Variants in ATL2 observed in about 807,000 individuals in gnomAD.
ATL2 encodes the protein atlastin-2.
Under a neutral mutation model 73.9 loss-of-function variants are expected in ATL2, and 31 were observed. The ratio of observed to expected loss-of-function variants is 0.42; its 90% CI spans 0.32 to 0.57. The LOEUF is 0.57. Among genes scored for constraint, ATL2 ranks in the 20% least tolerant of loss-of-function variants. The pLI, the probability that ATL2 is intolerant of heterozygous loss-of-function variation, is 0.14. For synonymous variants in ATL2, 291 were observed against 237.5 expected (o/e 1.23, Z -2.07); for missense variants, 738 against 702.6 (o/e 1.05, Z -0.57).
At chr2:38,348,720 T>A (rs1000160982) in intron 1 of ATL2, among the ~76,000 whole-genome samples, 3 of 150,860 alleles carry the variant, frequency 2.0e-5, no homozygotes, top group Admixed American at 6.6e-5. Flanking sequence ...GAAACTACCA[T>A]CAGAGTGAAC....
At chr2:38,302,261 C>T (rs1454892028) in intron 9 of ATL2, among the ~76,000 whole-genome samples, 4 of 151,990 alleles carry the variant, frequency 2.6e-5, no homozygotes, top group Admixed American at 1.3e-4. Context: ...CAGCACATTC[C>T]CAGATGTTGT....
At chr2:38,361,061 T>C (rs974430712) in intron 1 of ATL2, among the ~76,000 whole-genome samples, 1 of 151,760 alleles carries the variant, frequency 6.6e-6, no homozygotes, top group Non-Finnish European at 1.5e-5. Context: ...ATGAAAAAAA[T>C]TAAATCAAGC....
rs1025883498 is a variant in ATL2, at chr2:38,313,612, T to C, written c.712-369A>G. Among the ~76,000 whole-genome samples, 6 of 152,202 alleles carry C rather than the reference T, an allele frequency of 3.9e-5. No homozygotes were observed. In the South Asian group the frequency reaches 1.0e-3, roughly 26 times the overall value. On this transcript the variant is annotated intron_variant, in intron 6 of 12. Coordinates refer to ENST00000378954, the MANE Select transcript of ATL2 (RefSeq NM_001135673.4). ...TCTAGATGGCTATCTAGACTGATTA[T>C]AGATCTGGGGTCAATAAGGACATTT...
intron 2 of ATL2, among the ~76,000 whole-genome samples, chr2:38,324,609 T>A (rs1260213956): frequency 6.6e-6 from 1 of 152,162 alleles, no homozygotes; most frequent in African/African-American, 2.4e-5. Context: ...ACTCTTCCCA[T>A]CTGGGGCTGG....
intron 4 of ATL2, among the ~76,000 whole-genome samples, chr2:38,316,457 G>A (rs1199091686): frequency 1.3e-5 from 2 of 152,100 alleles, no homozygotes; most frequent in East Asian, 1.9e-4. Context: ...ATACTGTCTT[G>A]TATGTAACAG....
intron 1 of ATL2, among the ~76,000 whole-genome samples, chr2:38,348,806 G>A (rs1189431365): frequency 6.6e-6 from 1 of 151,898 alleles, no homozygotes; most frequent in East Asian, 1.9e-4. Flanking sequence ...AATCTACAAT[G>A]AACTCAAACA....
chr2:38,347,522 G>A (rs756463505), intron 1 of ATL2, among the ~76,000 whole-genome samples: 20 of 152,102 alleles, frequency 1.3e-4, no homozygotes, highest in Non-Finnish European at 2.1e-4. Context: ...TAATGAAACA[G>A]GTTTATTCAT....
chr2:38,307,828 G>A (rs1038193539), intron 9 of ATL2, among the ~76,000 whole-genome samples: 2 of 152,004 alleles, frequency 1.3e-5, no homozygotes, highest in Admixed American at 6.6e-5. Context: ...TTTCTCAAAA[G>A]GAGACAAACA....
intron 2 of ATL2, among the ~76,000 whole-genome samples, chr2:38,335,170 C>T (rs968544473): frequency 6.6e-6 from 1 of 151,530 alleles, no homozygotes; most frequent in African/African-American, 2.4e-5. Context: ...GAAACCACTT[C>T]GGAAAAAAAT....
At chr2:38,311,140 T>G (rs1009029490) in intron 7 of ATL2, among the ~76,000 whole-genome samples, 1 of 151,992 alleles carries the variant, frequency 6.6e-6, no homozygotes, top group Non-Finnish European at 1.5e-5. Flanking sequence ...AAGTATAAAT[T>G]TGCCTACAAA....
intron 9 of ATL2, among the ~76,000 whole-genome samples, chr2:38,303,596 A>C (rs1667293840): frequency 1.3e-5 from 2 of 152,210 alleles, no homozygotes; most frequent in African/African-American, 4.8e-5. Flanking sequence ...ATGAAAAAGA[A>C]TGAAGCATGC....
chr2:38,309,968 A>T (rs1667658613), intron 8 of ATL2, among the ~76,000 whole-genome samples: 1 of 152,204 alleles, frequency 6.6e-6, no homozygotes, highest in African/African-American at 2.4e-5. Flanking sequence ...ATCACTCCTG[A>T]AACAGACACT....
intron 12 of ATL2, chr2:38,296,743 G>A (rs1558379428): frequency 1.3e-6 from 2 of 1,551,274 alleles, no homozygotes; most frequent in Admixed American, 2.0e-5. Flanking sequence ...TTTAGACAAG[G>A]TTTGTTGACA....
At chr2:38,355,220 G>A (rs549579284) in intron 1 of ATL2, among the ~76,000 whole-genome samples, 1 of 152,144 alleles carries the variant, frequency 6.6e-6, no homozygotes, top group South Asian at 2.1e-4. Flanking sequence ...TCCGCCTCCT[G>A]GGTTCAAGCA....
intron 1 of ATL2, among the ~76,000 whole-genome samples, chr2:38,347,447 T>C (rs1034492227): frequency 6.6e-6 from 1 of 152,210 alleles, no homozygotes; most frequent in Non-Finnish European, 1.5e-5. Flanking sequence ...GCTCAAATGT[T>C]ATCTCCTCAG....
chr2:38,333,799 T>A (rs1386028003), intron 2 of ATL2, among the ~76,000 whole-genome samples: 1 of 152,212 alleles, frequency 6.6e-6, no homozygotes, highest in Non-Finnish European at 1.5e-5. Context: ...CCTAAAATGC[T>A]GCAATAAGGA....
At chr2:38,356,189 T>C (rs1670657438) in intron 1 of ATL2, among the ~76,000 whole-genome samples, 2 of 152,078 alleles carry the variant, frequency 1.3e-5, no homozygotes, top group Admixed American at 1.3e-4. Flanking sequence ...TATTAGCATT[T>C]CAACCTACTC....
intron 4 of ATL2, among the ~76,000 whole-genome samples, chr2:38,317,657 G>A (rs533990525): frequency 6.6e-6 from 1 of 152,148 alleles, no homozygotes; most frequent in South Asian, 2.1e-4. Context: ...CATAGATACA[G>A]AATAAAAAAC....
chr2:38,314,176 A>G (rs1667902785), intron 6 of ATL2, among the ~76,000 whole-genome samples: 1 of 152,210 alleles, frequency 6.6e-6, no homozygotes, highest in Admixed American at 6.5e-5. Context: ...CACTTGCTTC[A>G]AAAAATAAAC....
Sources: gnomAD v4.1 joint callset for allele counts (sites outside exome capture counted in the v4.1 genomes callset) on GRCh38, gnomAD v4.1.1 for gene constraint, MANE v1.5 for transcripts, NCBI Gene and HGNC (gene_info 2026-07-23, HGNC 2026-07-21) for gene names.